DAB1: variants seen among roughly 807,000 people sequenced by gnomAD.
The protein encoded by DAB1 is DAB adaptor protein 1.
A neutral mutation model predicts 64.6 loss-of-function variants in DAB1; 15 were observed. The observed-to-expected ratio is 0.23, with a 90% confidence interval of 0.16 to 0.36. DAB1 has a LOEUF of 0.36. DAB1 is among the 10% of genes least tolerant of loss of function. The pLI, the probability that DAB1 is intolerant of heterozygous loss-of-function variation, is 1.00. For synonymous variants in DAB1, 235 were observed against 251.9 expected (o/e 0.93, Z 0.64); for missense variants, 596 against 706.7 (o/e 0.84, Z 1.78).
At position 57,020,473 on chromosome 1, in the gene DAB1, G is replaced by A. The variant is rs1362586220; in HGVS notation, c.895+3058C>T. On this transcript the variant is annotated intron_variant, in intron 11 of 14. Coordinates refer to ENST00000371236, the MANE Select transcript of DAB1 (RefSeq NM_001365792.1). ...GCTCAGAAGATATTTATCTGAGTAT[G>A]GTGCAGCTGGCTAGTGGCAGAGCTT... Among the ~76,000 whole-genome samples the A allele has an allele frequency of 2.6e-5, 4 of 152,306 alleles. No individual in the cohort carries two copies. The East Asian group carries it at 5.8e-4, about 22-fold the overall frequency.
chr1:57,845,942 T>C (rs1653259848), intron 1 of DAB1, among the ~76,000 whole-genome samples: 1 of 152,140 alleles, frequency 6.6e-6, no homozygotes. Context: ...TCCACTTTAA[T>C]AAATTTGCCC....
intron 4 of DAB1, among the ~76,000 whole-genome samples, chr1:58,279,479 T>C (rs921162116): frequency 3.3e-5 from 5 of 152,218 alleles, no homozygotes; most frequent in African/African-American, 4.8e-5. Flanking sequence ...TGAATTATAA[T>C]AAGCATTTTA....
At chr1:57,648,294 A>C (rs7554139) in intron 7 of DAB1, among the ~76,000 whole-genome samples, 1 of 151,924 alleles carries the variant, frequency 6.6e-6, no homozygotes, top group African/African-American at 2.4e-5. Flanking sequence ...GTGGGGCAGA[A>C]GGAGGAGGCG....
intron 6 of DAB1, among the ~76,000 whole-genome samples, chr1:57,765,890 C>T (rs183887752): frequency 1.8e-3 from 270 of 152,292 alleles, no homozygotes; most frequent in African/African-American, 6.3e-3. Context: ...CTTGGCCTCC[C>T]AAAGTGCTGG....
At chr1:58,435,143 G>A (rs575255333) in intron 3 of DAB1, among the ~76,000 whole-genome samples, 35 of 152,286 alleles carry the variant, frequency 2.3e-4, no homozygotes, top group African/African-American at 8.4e-4. Context: ...AGATTGGTGG[G>A]CAGGAGGAGA....
chr1:57,808,958 A>G (rs1204888818), intron 6 of DAB1, among the ~76,000 whole-genome samples: 1 of 152,198 alleles, frequency 6.6e-6, no homozygotes, highest in Non-Finnish European at 1.5e-5. Flanking sequence ...ATAATGGAAC[A>G]TAGTGTTCTC....
intron 3 of DAB1, among the ~76,000 whole-genome samples, chr1:58,492,561 C>A (rs1234631545): frequency 2.0e-5 from 3 of 152,070 alleles, no homozygotes; most frequent in African/African-American, 7.2e-5. Context: ...CAAATAGACA[C>A]AATAAAAAAT....
intron 6 of DAB1, among the ~76,000 whole-genome samples, chr1:57,818,854 G>A (rs1171800157): frequency 6.6e-6 from 1 of 151,872 alleles, no homozygotes; most frequent in African/African-American, 2.4e-5. Context: ...GAAGATCCGA[G>A]TGCTGAAAGA....
intron 1 of DAB1, among the ~76,000 whole-genome samples, chr1:57,303,769 T>A (rs1673879967): frequency 6.6e-6 from 1 of 152,186 alleles, no homozygotes; most frequent in African/African-American, 2.4e-5. Context: ...AACAAAATCC[T>A]GTGCAGTGGG....
At chr1:58,180,011 C>T (rs1199542462) in intron 4 of DAB1, among the ~76,000 whole-genome samples, 1 of 151,904 alleles carries the variant, frequency 6.6e-6, no homozygotes, top group African/African-American at 2.4e-5. Flanking sequence ...ATAGCATTTA[C>T]ATTAGGTGCT....
intron 3 of DAB1, among the ~76,000 whole-genome samples, chr1:58,384,915 C>T (rs1644420750): frequency 6.6e-6 from 1 of 152,192 alleles, no homozygotes; most frequent in Admixed American, 6.5e-5. Context: ...ATGGTGCCCA[C>T]CCAGATTGAG....
At chr1:57,360,236 A>C (rs1230091181) in intron 1 of DAB1, among the ~76,000 whole-genome samples, 1 of 151,896 alleles carries the variant, frequency 6.6e-6, no homozygotes, top group Non-Finnish European at 1.5e-5. Flanking sequence ...TTAATTAATT[A>C]AAATTTGAAA....
chr1:58,167,992 A>G (rs1655956778), intron 4 of DAB1, among the ~76,000 whole-genome samples: 1 of 152,216 alleles, frequency 6.6e-6, no homozygotes, highest in African/African-American at 2.4e-5. Flanking sequence ...CCAATTCTGG[A>G]CACATTTTGG....
chr1:57,464,520 A>G lies in DAB1; in HGVS notation n.626-173354T>C, dbSNP rs949077564. On this transcript the variant is annotated intron_variant and non_coding_transcript_variant, in intron 7 of 20. Transcript: ENST00000485760. Reference sequence around the variant, plus strand: ...ATCTTCCTCTCCTACACCAGGCATAATCTTCATGAGGCACATCTTCTCTTG... The same window carrying G: ...ATCTTCCTCTCCTACACCAGGCATAGTCTTCATGAGGCACATCTTCTCTTG... Among the ~76,000 whole-genome samples, 26 of 152,294 alleles carry G rather than the reference A, an allele frequency of 1.7e-4. No individual in the cohort carries two copies. The South Asian group carries it at 5.4e-3, about 32-fold the overall frequency.
chr1:57,142,233 C>T (rs1658671418), intron 3 of DAB1, among the ~76,000 whole-genome samples: 1 of 152,132 alleles, frequency 6.6e-6, no homozygotes, highest in South Asian at 2.1e-4. Context: ...AGAACACGCA[C>T]CAGCTTCAGA....
intron 3 of DAB1, among the ~76,000 whole-genome samples, chr1:58,419,094 G>C (rs1160758252): frequency 6.6e-6 from 1 of 152,162 alleles, no homozygotes; most frequent in Non-Finnish European, 1.5e-5. Flanking sequence ...AGCTTCCTTT[G>C]GCAGAAGGGC....
At chr1:57,796,046 G>A (rs1246156148) in intron 6 of DAB1, among the ~76,000 whole-genome samples, 1 of 151,940 alleles carries the variant, frequency 6.6e-6, no homozygotes, top group Non-Finnish European at 1.5e-5. Context: ...TAGAATTCAT[G>A]TGTGCAGATA....
chr1:57,819,960 A>G (rs1447241839), intron 6 of DAB1, among the ~76,000 whole-genome samples: 1 of 152,188 alleles, frequency 6.6e-6, no homozygotes, highest in Non-Finnish European at 1.5e-5. Context: ...GTAGTTCCTT[A>G]ATAATAATAA....
chr1:57,971,582 ATAT>A (rs1287996975), intron 5 of DAB1, among the ~76,000 whole-genome samples: 6 of 152,228 alleles, frequency 3.9e-5, no homozygotes, highest in Non-Finnish European at 7.3e-5. Flanking sequence ...GACAGGAATG[ATAT>A]TATCCCATCT....
Sources: gnomAD v4.1 joint callset for allele counts (sites outside exome capture counted in the v4.1 genomes callset) on GRCh38, gnomAD v4.1.1 for gene constraint, MANE v1.5 for transcripts, NCBI Gene and HGNC (gene_info 2026-07-23, HGNC 2026-07-21) for gene names.